The following PCDH15 variants were observed in gnomAD, a reference collection of about 807,000 sequenced individuals.
PCDH15 encodes protocadherin related 15, also known as protocadherin-15.
In PCDH15, 129 loss-of-function variants were observed where a neutral mutation model predicts 178.5. The ratio of observed to expected loss-of-function variants is 0.72; its 90% CI spans 0.63 to 0.84. The LOEUF is 0.84. Among genes scored for constraint, PCDH15 ranks in the 40% least tolerant of loss-of-function variants. The pLI, the probability that PCDH15 is intolerant of heterozygous loss-of-function variation, is 0.00. For synonymous variants in PCDH15, 800 were observed against 732.0 expected (o/e 1.09, Z -1.50); for missense variants, 2,230 against 2,099.9 (o/e 1.06, Z -1.21).
intron 2 of PCDH15, among the ~76,000 whole-genome samples, chr10:55,123,135 A>G (rs1167871974): frequency 6.6e-6 from 1 of 152,050 alleles, no homozygotes; most frequent in African/African-American, 2.4e-5. Flanking sequence ...AAAGATAAAT[A>G]TGAAACCATC....
chr10:54,818,225 A>C (rs1316627207), intron 3 of PCDH15, among the ~76,000 whole-genome samples: 1 of 152,008 alleles, frequency 6.6e-6, no homozygotes, highest in African/African-American at 2.4e-5. Flanking sequence ...AAAATTTTTA[A>C]GGAAAAGGCC....
At chr10:54,291,972 G>A (rs140682997) in intron 8 of PCDH15, among the ~76,000 whole-genome samples, 2,065 of 152,224 alleles carry the variant, frequency 0.014, 52 homozygotes, top group African/African-American at 0.047. Flanking sequence ...CTCATTTTAC[G>A]AGGCCAGCAT....
chr10:54,106,149 T>C (rs1004009963), intron 15 of PCDH15, among the ~76,000 whole-genome samples: 1 of 152,186 alleles, frequency 6.6e-6, no homozygotes, highest in African/African-American at 2.4e-5. Flanking sequence ...ATGAGGAGTA[T>C]AGGCTTTTTT....
intron 2 of PCDH15, among the ~76,000 whole-genome samples, chr10:55,488,594 T>C (rs1263532948): frequency 2.6e-5 from 4 of 151,578 alleles, no homozygotes; most frequent in Admixed American, 1.3e-4. Flanking sequence ...AATTAAGTAT[T>C]AAATTACATA....
At chr10:55,225,297 T>C (rs1840999111) in intron 1 of PCDH15, among the ~76,000 whole-genome samples, 1 of 152,124 alleles carries the variant, frequency 6.6e-6, no homozygotes, top group African/African-American at 2.4e-5. Flanking sequence ...TGCTATAACC[T>C]CTAACATCAG....
At chr10:54,085,880 G>A (rs559736132) in intron 16 of PCDH15, among the ~76,000 whole-genome samples, 5 of 152,122 alleles carry the variant, frequency 3.3e-5, no homozygotes, top group South Asian at 2.1e-4. Flanking sequence ...ATAATGATGC[G>A]TATTGAGAGA....
At chr10:54,234,400 A>G (rs1256998007) in intron 9 of PCDH15, among the ~76,000 whole-genome samples, 1 of 152,144 alleles carries the variant, frequency 6.6e-6, no homozygotes, top group East Asian at 1.9e-4. Flanking sequence ...ATTAAAGAAG[A>G]ATAATCTGGT....
intron 2 of PCDH15, among the ~76,000 whole-genome samples, chr10:54,995,884 C>T (rs1041231504): frequency 1.3e-5 from 2 of 152,040 alleles, no homozygotes; most frequent in Admixed American, 1.3e-4. Context: ...CCTATTTTCT[C>T]ACACATGGTT....
intron 18 of PCDH15, among the ~76,000 whole-genome samples, chr10:54,056,538 A>G (rs926935995): frequency 2.0e-5 from 3 of 152,116 alleles, no homozygotes; most frequent in Non-Finnish European, 2.9e-5. Flanking sequence ...ATTCACTACC[A>G]TGAGAACAGT....
intron 25 of PCDH15, among the ~76,000 whole-genome samples, chr10:53,934,826 T>C (rs2085424229): frequency 6.6e-6 from 1 of 152,044 alleles, no homozygotes. Flanking sequence ...CAGCATAAGT[T>C]CCAATAACGC....
chr10:54,412,974 T>C (rs1241558270), intron 3 of PCDH15, among the ~76,000 whole-genome samples: 4 of 152,230 alleles, frequency 2.6e-5, no homozygotes. Context: ...ACACAGCCTG[T>C]TGATGCACAC....
chr10:54,519,951 A>T (rs967454333), intron 3 of PCDH15, among the ~76,000 whole-genome samples: 4 of 152,214 alleles, frequency 2.6e-5, no homozygotes, highest in Non-Finnish European at 5.9e-5. Flanking sequence ...TGACAAAAAC[A>T]AGTAATGGGG....
chr10:54,176,234 A>G (rs925288300), intron 13 of PCDH15, among the ~76,000 whole-genome samples: 3 of 152,186 alleles, frequency 2.0e-5, no homozygotes, highest in African/African-American at 7.2e-5. Context: ...TAGATCATTA[A>G]AAGTTTTTGT....
chr10:54,421,806 T>TA (rs1955416419), intron 3 of PCDH15, among the ~76,000 whole-genome samples: 3 of 107,132 alleles, frequency 2.8e-5, no homozygotes, highest in African/African-American at 1.2e-4. Flanking sequence ...TAGGTACATG[T>TA]GTAGTGTGTG....
intron 2 of PCDH15, among the ~76,000 whole-genome samples, chr10:55,494,281 A>G (rs1183888997): frequency 6.6e-6 from 1 of 151,746 alleles, no homozygotes; most frequent in Non-Finnish European, 1.5e-5. Context: ...ATATTCATAT[A>G]GCCACTTTAG....
chr10:55,580,966 C>G (rs1055621095), intron 2 of PCDH15, among the ~76,000 whole-genome samples: 1 of 151,988 alleles, frequency 6.6e-6, no homozygotes, highest in Non-Finnish European at 1.5e-5. Context: ...TTTCCTTTTC[C>G]TCTATGTGAA....
chr10:55,020,111 T>G (rs1460231362), intron 2 of PCDH15, among the ~76,000 whole-genome samples: 1 of 145,338 alleles, frequency 6.9e-6, no homozygotes, highest in African/African-American at 2.5e-5. Flanking sequence ...ATATAATATA[T>G]ATGTATAATT....
intron 26 of PCDH15, among the ~76,000 whole-genome samples, chr10:53,878,408 C>T (rs1016973842): frequency 4.1e-5 from 5 of 121,544 alleles, no homozygotes; most frequent in Admixed American, 3.1e-4. Context: ...TATACTATGG[C>T]GTACACACAC....
At chr10:53,981,291 T>A (rs1218211387) in intron 21 of PCDH15, among the ~76,000 whole-genome samples, 1 of 152,236 alleles carries the variant, frequency 6.6e-6, no homozygotes, top group Non-Finnish European at 1.5e-5. Context: ...ACAATATGTT[T>A]CGACTTAGTT....
Sources: allele counts gnomAD v4.1 joint callset (sites outside exome capture counted in the v4.1 genomes callset), GRCh38; gene constraint gnomAD v4.1.1; transcripts MANE v1.5; gene names NCBI Gene and HGNC (gene_info 2026-07-23, HGNC 2026-07-21).